The following SLC35F3 variants were observed in gnomAD, a reference collection of about 807,000 sequenced individuals.
The protein encoded by SLC35F3 is solute carrier family 35 member F3, also known as putative thiamine transporter SLC35F3.
In SLC35F3, 25 loss-of-function variants were observed where a neutral mutation model predicts 49.9. The observed-to-expected ratio is 0.50, with a 90% CI of 0.37 to 0.70. The LOEUF (loss-of-function observed/expected upper bound fraction) is 0.70, where lower values mean the gene tolerates loss of function less well. Ranked by LOEUF, SLC35F3 falls within the 30% of genes least tolerant of loss-of-function variation. The probability of loss-of-function intolerance (pLI) is 0.00; values close to 1 mark genes in which losing one functional copy is unlikely to be tolerated. For missense variants in SLC35F3, 525 were observed against 639.8 expected (o/e 0.82, Z 1.94); for synonymous variants, 275 against 265.4 (o/e 1.04, Z -0.35).
chr1:234,304,185 A>T (rs546602370), intron 3 of SLC35F3, among the ~76,000 whole-genome samples: 2 of 151,012 alleles, frequency 1.3e-5, no homozygotes, highest in African/African-American at 2.4e-5. Flanking sequence ...TTTTTGAGAC[A>T]GAGTCTTGCT....
intron 2 of SLC35F3, among the ~76,000 whole-genome samples, chr1:234,175,828 G>T (rs973722933): frequency 6.6e-6 from 1 of 152,180 alleles, no homozygotes; most frequent in Non-Finnish European, 1.5e-5. Context: ...AGCCGTCAGT[G>T]GGTTCCCAGT....
At chr1:234,206,157 A>C (rs1558259932) in intron 2 of SLC35F3, among the ~76,000 whole-genome samples, 1 of 151,992 alleles carries the variant, frequency 6.6e-6, no homozygotes, top group Admixed American at 6.5e-5. Flanking sequence ...CCACTGCACC[A>C]CTCCTACATG....
At chr1:233,914,508 T>G (rs974104927) in intron 2 of SLC35F3, among the ~76,000 whole-genome samples, 1 of 152,234 alleles carries the variant, frequency 6.6e-6, no homozygotes, top group Non-Finnish European at 1.5e-5. Context: ...GGTTCTGTTG[T>G]GTGCAACTAC....
chr1:233,978,088 C>T (rs1396326957), intron 2 of SLC35F3, among the ~76,000 whole-genome samples: 1 of 152,096 alleles, frequency 6.6e-6, no homozygotes, highest in Non-Finnish European at 1.5e-5. Context: ...GTCCCACGTG[C>T]TTGACTCTGG....
intron 2 of SLC35F3, among the ~76,000 whole-genome samples, chr1:233,931,180 A>AATCCTAG (rs1208874764): frequency 6.6e-6 from 1 of 152,238 alleles, no homozygotes; most frequent in Non-Finnish European, 1.5e-5. Flanking sequence ...AAACTGTAAA[A>AATCCTAG]ATCCTAGAAG....
rs141981107 is a variant in SLC35F3 at position 234,251,384 on chromosome 1, G to A, written c.608+19643G>A. Among the ~76,000 whole-genome samples, 1,231 of 150,462 alleles carry A rather than the reference G, an allele frequency of 8.2e-3. 19 individuals are homozygous for A. The highest frequency in any genetic ancestry group is 0.028 in the African/African-American group (1,153 of 40,906). The stretch of plus-strand genomic sequence containing the variant: ...GAGATCATTTGAGTTTGACCCTTTC[G>A]CCCGATAGGGTAATGATGGGAACAA... On this transcript the variant is annotated intron_variant, in intron 3 of 7. Transcript: ENST00000366618.
rs112825734 is a variant in SLC35F3 at position 233,941,903 on chromosome 1, G to T, written c.283+36145G>T. On this transcript the variant is annotated intron_variant, in intron 2 of 7. Coordinates refer to ENST00000366618, the MANE Select transcript of SLC35F3 (RefSeq NM_173508.4). ...GGAACCATCACCAATTAAGGTAATA[G>T]ACATATTCATCATCTCAAAAGTTTC... Among the ~76,000 whole-genome samples the T allele has an allele frequency of 3.3e-3, 496 of 151,370 alleles. 2 individuals are homozygous for T. The highest frequency in any genetic ancestry group is 0.011 in the African/African-American group (461 of 41,332).
At chr1:234,233,278 C>T (rs1331836627) in intron 3 of SLC35F3, among the ~76,000 whole-genome samples, 4 of 152,196 alleles carry the variant, frequency 2.6e-5, no homozygotes, top group Non-Finnish European at 4.4e-5. Flanking sequence ...TGTAATTAGG[C>T]GGTAACCCTT....
At chr1:233,954,290 G>A (rs1370671379) in intron 2 of SLC35F3, among the ~76,000 whole-genome samples, 1 of 152,150 alleles carries the variant, frequency 6.6e-6, no homozygotes, top group Non-Finnish European at 1.5e-5. Context: ...ACAGGCGTGA[G>A]CCACTGCTCC....
chr1:234,106,900 C>T (rs886891460), intron 2 of SLC35F3, among the ~76,000 whole-genome samples: 6 of 152,168 alleles, frequency 3.9e-5, no homozygotes, highest in African/African-American at 1.2e-4. Flanking sequence ...TAAGGATCCA[C>T]CAAACCAACC....
intron 5 of SLC35F3, among the ~76,000 whole-genome samples, chr1:234,318,273 C>T (rs376297561): frequency 6.6e-6 from 1 of 152,160 alleles, no homozygotes; most frequent in African/African-American, 2.4e-5. Flanking sequence ...AAAACCCATG[C>T]CATTTCTGGA....
At chr1:234,047,076 A>G (rs764124983) in intron 2 of SLC35F3, among the ~76,000 whole-genome samples, 24 of 152,212 alleles carry the variant, frequency 1.6e-4, no homozygotes, top group African/African-American at 3.4e-4. Flanking sequence ...CAAGTTTTGT[A>G]GAAACGCTTT....
chr1:234,027,143 G>A lies in SLC35F3; in HGVS notation c.283+121385G>A, dbSNP rs1663991572. 1 of 154,528 alleles carries A rather than the reference G, an allele frequency of 6.5e-6. No homozygotes were observed. The highest frequency in any genetic ancestry group is 2.4e-5 in the African/African-American group (1 of 41,518). The allele number at this position is 154,528 out of a possible 1,614,324, so 9.6% of individuals were successfully genotyped here. On this transcript the variant is annotated intron_variant, in intron 2 of 7. Coordinates refer to ENST00000366618, the MANE Select transcript of SLC35F3 (RefSeq NM_173508.4). This position sits in a 1 kb window ranked among gnomAD's most constrained non-coding sequence, Gnocchi z 4.1. ...AAGACAGTGAGGATATAGTCTCCAG[G>A]AAATGAGTTGGTTGTATAACCAGTC...
At chr1:234,008,633 A>G (rs138851118) in intron 2 of SLC35F3, among the ~76,000 whole-genome samples, 5 of 152,310 alleles carry the variant, frequency 3.3e-5, no homozygotes, top group Admixed American at 2.0e-4. Flanking sequence ...GCTTAATGTT[A>G]TACTTCATTA....
At chr1:234,055,972 T>C (rs1664451212) in intron 2 of SLC35F3, among the ~76,000 whole-genome samples, 1 of 152,232 alleles carries the variant, frequency 6.6e-6, no homozygotes. Flanking sequence ...TACTGAACTC[T>C]TGGATTTACC....
At chr1:233,927,105 A>G (rs1558180817) in intron 2 of SLC35F3, among the ~76,000 whole-genome samples, 2 of 152,216 alleles carry the variant, frequency 1.3e-5, no homozygotes, top group Non-Finnish European at 2.9e-5. Flanking sequence ...TCTTTTCAGC[A>G]TTGAATAACA....
intron 2 of SLC35F3, among the ~76,000 whole-genome samples, chr1:234,172,660 A>G (rs1418419389): frequency 1.3e-5 from 2 of 152,234 alleles, no homozygotes; most frequent in Admixed American, 1.3e-4. Context: ...ATAGCCTACT[A>G]TACACCTAGG....
chr1:234,189,125 T>A (rs1408038890), intron 2 of SLC35F3, among the ~76,000 whole-genome samples: 1 of 151,398 alleles, frequency 6.6e-6, no homozygotes, highest in Non-Finnish European at 1.5e-5. Flanking sequence ...GAAAAATAAT[T>A]CTGGCAATAT....
At chr1:233,973,842 AT>A (rs1002791449) in intron 2 of SLC35F3, among the ~76,000 whole-genome samples, 3 of 152,042 alleles carry the variant, frequency 2.0e-5, no homozygotes, top group Admixed American at 6.6e-5. Context: ...CTAAGCATAA[AT>A]TTTTTTTCTT....
Sources: allele counts gnomAD v4.1 joint callset (sites outside exome capture counted in the v4.1 genomes callset), GRCh38; gene constraint gnomAD v4.1.1; non-coding constraint Gnocchi (gnomAD v3.1); transcripts MANE v1.5; gene names NCBI Gene and HGNC (gene_info 2026-07-23, HGNC 2026-07-21).